Variants in HCFC2 observed in about 807,000 individuals in gnomAD.
The protein encoded by HCFC2 is host cell factor 2.
A neutral mutation model predicts 89.2 loss-of-function variants in HCFC2; 18 were observed. That is an observed-to-expected ratio of 0.20 (90% CI 0.14 to 0.30). The LOEUF is 0.30. Among genes scored for constraint, HCFC2 ranks in the 10% least tolerant of loss-of-function variants. The pLI, the probability that HCFC2 is intolerant of heterozygous loss-of-function variation, is 1.00. For missense variants in HCFC2, 578 were observed against 956.1 expected (o/e 0.60, Z 5.21); for synonymous variants, 308 against 335.7 (o/e 0.92, Z 0.90).
At chr12:104,098,727 G>A (rs1041920891) in intron 13 of HCFC2, among the ~76,000 whole-genome samples, 9 of 152,186 alleles carry the variant, frequency 5.9e-5, no homozygotes, top group African/African-American at 1.4e-4. Context: ...CTGGCCGGGC[G>A]CAGTGGCTCA....
At chr12:104,093,361 C>T (rs372776857) in intron 9 of HCFC2, 25 bp from the exon 10 acceptor site, 16 of 1,543,774 alleles carry the variant, frequency 1.0e-5, no homozygotes, top group African/African-American at 1.4e-5. Context: ...TTGCTTACTA[C>T]AGTAATCTGT....
At chr12:104,101,717 C>G (rs1311373388) in intron 13 of HCFC2, among the ~76,000 whole-genome samples, 1 of 152,098 alleles carries the variant, frequency 6.6e-6, no homozygotes, top group African/African-American at 2.4e-5. Flanking sequence ...TTACATTTCT[C>G]TGTGTAATCA....
intron 13 of HCFC2, among the ~76,000 whole-genome samples, chr12:104,099,124 A>C (rs1184206165): frequency 6.6e-6 from 1 of 152,192 alleles, no homozygotes; most frequent in African/African-American, 2.4e-5. Flanking sequence ...CAATCATGGC[A>C]GAAGGTGAAG....
At chr12:104,096,773 C>A (rs1884189996) in intron 12 of HCFC2, among the ~76,000 whole-genome samples, 1 of 151,928 alleles carries the variant, frequency 6.6e-6, no homozygotes, top group Non-Finnish European at 1.5e-5. Context: ...TTATATTTTT[C>A]TATAATGCAA....
intron 3 of HCFC2, among the ~76,000 whole-genome samples, chr12:104,071,612 G>A (rs1026404505): frequency 7.2e-5 from 11 of 152,090 alleles, no homozygotes; most frequent in Non-Finnish European, 1.5e-4. Flanking sequence ...TTTTGAGAAA[G>A]GGTCTCACTC....
At chr12:104,102,223 C>T in intron 14 of HCFC2, 70 bp downstream of exon 14, 1 of 1,333,490 alleles carries the variant, frequency 7.5e-7, no homozygotes, top group South Asian at 1.5e-5. Context: ...AGTAAACTGT[C>T]AGTTTAGAAA....
intron 3 of HCFC2, among the ~76,000 whole-genome samples, chr12:104,070,080 T>G (rs1394324341): frequency 6.6e-6 from 1 of 152,140 alleles, no homozygotes; most frequent in Non-Finnish European, 1.5e-5. Context: ...TGAAGTGCAG[T>G]GGCGCAATCC....
At position 104,068,030 on chromosome 12, in the gene HCFC2, C is replaced by T; in HGVS notation, c.396C>T (p.Phe132=). The T allele has an allele frequency of 6.2e-7, 1 of 1,607,488 alleles. No individual in the cohort carries two copies. Among genetic ancestry groups the T allele is most frequent in the South Asian group, 1.1e-5 (1 of 89,868 alleles). ...CTTGTCCTCGGCTTGGACATAGCTTCTCTTTATATGGTAACAAATGCTATT... is the reference window on the plus strand; with the variant it reads ...CTTGTCCTCGGCTTGGACATAGCTTTTCTTTATATGGTAACAAATGCTATT... ...LPPCPRLGHS[F]SLYGNKCYLF... is the part of the protein sequence containing the mutation. Residue 132 remains phenylalanine, a synonymous_variant, in exon 3 of 15, where the codon TTC becomes TTT. Transcript: ENST00000229330. The surrounding 1 kb of genome is among the most constrained non-coding windows in gnomAD (Gnocchi z 4.1).
In HCFC2 at chr12:104,102,916, A is replaced by G. The variant is rs552908432; in HGVS notation, c.2065-43A>G. 22 of 1,494,410 alleles carry G rather than the reference A, an allele frequency of 1.5e-5. No individual in the cohort carries two copies. The African/African-American group carries it at 2.9e-4, about 20-fold the overall frequency. 92.6% of individuals were successfully genotyped at this position (1,494,410 alleles called of 1,614,324 possible). Reference sequence around the variant, plus strand: ...TCAACATAATAAGTGATAACAGAGGAAACTTAAGAACCTTTAACCTGTTTT... The same window carrying G: ...TCAACATAATAAGTGATAACAGAGGGAACTTAAGAACCTTTAACCTGTTTT... On this transcript the variant is annotated intron_variant, in intron 14 of 14. Coordinates refer to ENST00000229330, the MANE Select transcript of HCFC2 (RefSeq NM_013320.3).
At chr12:104,081,805 C>T (rs533419623) in intron 5 of HCFC2, among the ~76,000 whole-genome samples, 36 of 149,710 alleles carry the variant, frequency 2.4e-4, no homozygotes, top group African/African-American at 8.9e-4. Flanking sequence ...TTTGGGAGGC[C>T]AAGGTGGAAG....
chr12:104,105,730 T>C lies in HCFC2; in HGVS notation c.*2457T>C, dbSNP rs1286460093. 6.6e-6 allele frequency: 1 copy of C among 152,102 alleles called. No homozygotes were observed. Among genetic ancestry groups the C allele is most frequent in the Non-Finnish European group, 1.5e-5 (1 of 67,942 alleles). The allele number at this position is 152,102 out of a possible 1,614,324, so 9.4% of individuals were successfully genotyped here. A position where few individuals can be genotyped will look rare whatever the true frequency, so the allele number is the denominator to read the frequency against. ...GATCTTAGAGCTGTGTGCTGATGAA[T>C]AGAATGAATTGGAGCAAATAGCAAG... is the stretch of plus-strand genomic sequence containing the variant. On this transcript the variant is annotated 3_prime_UTR_variant, in exon 15 of 15. Coordinates refer to ENST00000229330, the MANE Select transcript of HCFC2 (RefSeq NM_013320.3).
intron 9 of HCFC2, among the ~76,000 whole-genome samples, chr12:104,089,261 C>T (rs1422449916): frequency 2.0e-5 from 3 of 152,128 alleles, no homozygotes; most frequent in African/African-American, 7.2e-5. Context: ...ACCTGTAATC[C>T]CAGCACTTTG....
rs762429119 is a variant in HCFC2 at position 104,082,920 on chromosome 12, CAAAT to C, written c.1063+23_1063+26del. The C allele has an allele frequency of 2.6e-6, 4 of 1,561,788 alleles. No individual in the cohort carries two copies. The South Asian group carries it at 4.7e-5, about 19-fold the overall frequency. On this transcript the variant is annotated intron_variant, in intron 7 of 14. Transcript: ENST00000229330. ...GATACTGGTAGGTAAGAATATTTAACAAATAAACTTTTTCCTTTAGGTAAGCACT... is the reference window on the plus strand; with the variant it reads ...GATACTGGTAGGTAAGAATATTTAACAAACTTTTTCCTTTAGGTAAGCACT...
In HCFC2 at chr12:104,104,582, A is replaced by G. The variant is rs2030038636; in HGVS notation, c.*1309A>G. ...GCCAGTTTAGGTTGACTGAGTAGCT[A>G]TGTCCTCAAATTTCATGTATGATAC... On this transcript the variant is annotated 3_prime_UTR_variant, in exon 15 of 15. Transcript: ENST00000229330. 6.6e-6 allele frequency: 1 copy of G among 152,008 alleles called. No homozygotes were observed. 9.4% of individuals were successfully genotyped at this position (152,008 alleles called of 1,614,324 possible).
At position 104,064,575 on chromosome 12, in the gene HCFC2, C is replaced by G. The variant is rs370124268; in HGVS notation, c.15C>G (p.Ser5Arg). 6.5e-7 allele frequency: 1 copy of G among 1,546,626 alleles called. No individual in the cohort carries two copies. Among genetic ancestry groups the G allele is most frequent in the Non-Finnish European group, 8.7e-7 (1 of 1,148,962 alleles). The change falls in exon 1 of 15, where the codon AGC (serine) becomes AGG (arginine). Residue 5 changes from serine (S) to arginine (R), a missense_variant. Ser to Arg is a moderately radical substitution (Grantham distance 110, BLOSUM62 -1). Around this residue, in one of 4 missense-constraint regions of HCFC2, gnomAD observed 22 missense variants for 18.7 expected, o/e 1.18. Transcript: ENST00000229330. This position sits in a 1 kb window ranked among gnomAD's most constrained non-coding sequence, Gnocchi z 7.3. ...GGGTTGGGAAGATGGCGGCTCCCAG[C>G]CTCCTCAACTGGAGGCGAGTTTCTT... MAAP[S>R]LLNWRRVSSF... is the part of the protein sequence containing the mutation.
chr12:104,082,675 G>A (rs12303142), intron 6 of HCFC2, 38 bp from the exon 7 acceptor site: 56,156 of 1,584,096 alleles, frequency 0.035, 1,221 homozygotes, highest in African/African-American at 0.073. Flanking sequence ...ATTTTGTTAA[G>A]AACAAAAGAT....
chr12:104,085,204 A>G (rs1322726210), intron 7 of HCFC2, among the ~76,000 whole-genome samples: 3 of 152,196 alleles, frequency 2.0e-5, no homozygotes, highest in Admixed American at 6.5e-5. Flanking sequence ...TTCTGTCATT[A>G]CTTGTCTGTA....
At position 104,095,360 on chromosome 12, in the gene HCFC2, G is replaced by A; in HGVS notation, c.1463G>A (p.Gly488Asp). The change falls in exon 11 of 15, where the codon GGT becomes GAT. Residue 488 changes from glycine (G) to aspartate (D), a missense_variant and splice_region_variant. Physicochemically the swap from Gly to Asp is moderately conservative, Grantham distance 94. Transcript: ENST00000229330. The surrounding 1 kb of genome is among the most constrained non-coding windows in gnomAD (Gnocchi z 4.2). ...HVVDMLRKNE[G>D]PHTSANVGVL... ...AATTACCTTTTCCCTTTTATTTTAG[G>A]TCCTCACACTTCAGCAAATGTAGGT... is the stretch of plus-strand genomic sequence containing the variant. 1.9e-6 allele frequency: 3 copies of A among 1,608,718 alleles called. No homozygotes were observed. Among genetic ancestry groups the A allele is most frequent in the African/African-American group, 1.3e-5 (1 of 74,874 alleles).
In HCFC2 at chr12:104,082,847, A is replaced by C. The variant is rs1185752368; in HGVS notation, c.1009A>C (p.Lys337Gln). 2 of 1,613,694 alleles carry C rather than the reference A, an allele frequency of 1.2e-6. No homozygotes were observed. Among genetic ancestry groups the C allele is most frequent in the East Asian group, 2.2e-5 (1 of 44,868 alleles). Reference protein sequence around the residue: ...LYFWSGRDGYKKALNSQVCCK... With the variant: ...LYFWSGRDGYQKALNSQVCCK... ...TTTTTGGAGTGGAAGAGATGGCTAC[A>C]AAAAAGCACTGAATAGTCAAGTTTG... The change falls in exon 7 of 15, where the codon AAA (lysine) becomes CAA (glutamine). Residue 337 changes from lysine (K) to glutamine (Q), a missense_variant. Physicochemically the swap from Lys to Gln is moderately conservative, Grantham distance 53. Around this residue, in one of 4 missense-constraint regions of HCFC2, gnomAD observed 206 missense variants for 419.2 expected, o/e 0.49. Transcript: ENST00000229330.
Sources: allele counts gnomAD v4.1 joint callset (sites outside exome capture counted in the v4.1 genomes callset), GRCh38; gene constraint gnomAD v4.1.1; regional missense constraint gnomAD v4.1.1; non-coding constraint Gnocchi (gnomAD v3.1); transcripts MANE v1.5; gene names NCBI Gene and HGNC (gene_info 2026-07-23, HGNC 2026-07-21).